KL: variants seen among roughly 807,000 people sequenced by gnomAD.
KL encodes klotho.
KL carries 62 observed loss-of-function variants against 84.2 expected under a neutral mutation model. That is an observed-to-expected ratio of 0.74 (90% confidence interval 0.60 to 0.91). The LOEUF (loss-of-function observed/expected upper bound fraction) is 0.91, where lower values mean the gene tolerates loss of function less well. Ranked by LOEUF, KL falls within the 40% of genes least tolerant of loss-of-function variation. The probability of loss-of-function intolerance (pLI) is 0.00; values close to 1 mark genes in which losing one functional copy is unlikely to be tolerated. For synonymous variants in KL, 528 were observed against 528.0 expected (o/e 1.00, Z 0.00); for missense variants, 1,261 against 1,305.7 (o/e 0.97, Z 0.53).
At chr13:33,033,894 AG>A (rs1871066410) in intron 1 of KL, among the ~76,000 whole-genome samples, 1 of 151,950 alleles carries the variant, frequency 6.6e-6, no homozygotes, top group African/African-American at 2.4e-5. Flanking sequence ...TTTTTAAAAA[AG>A]ATAAAAACAG....
intron 4 of KL, 52 bp downstream of exon 4, chr13:33,061,832 A>T (rs766986051): frequency 6.4e-7 from 1 of 1,573,704 alleles, no homozygotes; most frequent in Non-Finnish European, 8.7e-7. Context: ...ACCAGAGGGC[A>T]TGACACTTGA....
intron 1 of KL, among the ~76,000 whole-genome samples, chr13:33,041,943 A>G (rs1330370666): frequency 6.6e-6 from 1 of 152,060 alleles, no homozygotes; most frequent in Admixed American, 6.6e-5. Flanking sequence ...TTCATTTGTT[A>G]TCTCTCTTCT....
At chr13:33,039,195 A>G (rs1404765407) in intron 1 of KL, among the ~76,000 whole-genome samples, 1 of 152,232 alleles carries the variant, frequency 6.6e-6, no homozygotes, top group African/African-American at 2.4e-5. Flanking sequence ...TGCTCATAAA[A>G]TTAATAAATT....
intron 4 of KL, 81 bp downstream of exon 4, chr13:33,061,861 C>T: frequency 1.4e-6 from 2 of 1,379,418 alleles, no homozygotes; most frequent in Non-Finnish European, 2.0e-6. Flanking sequence ...CCAACATCAA[C>T]ACACACTGCC....
At chr13:33,018,256 G>A (rs1408253181) in intron 1 of KL, among the ~76,000 whole-genome samples, 3 of 152,070 alleles carry the variant, frequency 2.0e-5, no homozygotes, top group African/African-American at 4.8e-5. Flanking sequence ...ACAACTTTTG[G>A]TACCCAATTC....
At chr13:33,032,332 T>C (rs888458098) in intron 1 of KL, among the ~76,000 whole-genome samples, 1 of 152,200 alleles carries the variant, frequency 6.6e-6, no homozygotes, top group Non-Finnish European at 1.5e-5. Flanking sequence ...TACAAACTTA[T>C]GGGTCAGGAT....
chr13:33,033,213 G>T (rs1206457155), intron 1 of KL, among the ~76,000 whole-genome samples: 1 of 152,144 alleles, frequency 6.6e-6, no homozygotes, highest in Non-Finnish European at 1.5e-5. Flanking sequence ...AGGAGTTACA[G>T]TATAACTTAT....
rs950273993 is a variant in KL at position 33,022,666 on chromosome 13, G to A, written c.819+5407G>A. 2.6e-5 allele frequency among the ~76,000 whole-genome samples: 4 copies of A among 152,140 alleles called. No individual in the cohort carries two copies. The South Asian group carries it at 8.3e-4, about 32-fold the overall frequency. ...ACTCTTACTTACCCTTCAGAGACTT[G>A]ACTCAAATATTTTCATTCTGCAATA... On this transcript the variant is annotated intron_variant, in intron 1 of 4. Transcript: ENST00000380099.
chr13:33,044,104 A>C (rs1371793323), intron 1 of KL, among the ~76,000 whole-genome samples: 1 of 152,188 alleles, frequency 6.6e-6, no homozygotes, highest in Non-Finnish European at 1.5e-5. Context: ...CTGTTGCCAC[A>C]TAATTGCTTT....
At chr13:33,031,849 A>G (rs987648522) in intron 1 of KL, among the ~76,000 whole-genome samples, 39 of 152,260 alleles carry the variant, frequency 2.6e-4, no homozygotes, top group Middle Eastern at 3.4e-3. Flanking sequence ...AAACTATATA[A>G]ATGCATTTAT....
chr13:33,039,563 G>A (rs1871262953), intron 1 of KL, among the ~76,000 whole-genome samples: 1 of 152,072 alleles, frequency 6.6e-6, no homozygotes, highest in Non-Finnish European at 1.5e-5. Context: ...AATGCACGTG[G>A]GGAGCCAAAC....
Position 33,053,855 on chromosome 13 carries a change from T to C in KL, c.908T>C (p.Ile303Thr), listed in dbSNP as rs780801101. Reference sequence around the variant, plus strand: ...TCCATTGCCCTAAGCTCTCACTGGATCAATCCTCGAAGAATGACCGACCAC... The same window carrying C: ...TCCATTGCCCTAAGCTCTCACTGGACCAATCCTCGAAGAATGACCGACCAC... Reference protein sequence around the residue: ...QVSIALSSHWINPRRMTDHSI... With the variant: ...QVSIALSSHWTNPRRMTDHSI... The change falls in exon 2 of 5, where the codon ATC (isoleucine) becomes ACC (threonine). Residue 303 changes from isoleucine (I) to threonine (T), a missense_variant. Coordinates refer to ENST00000380099, the MANE Select transcript of KL (RefSeq NM_004795.4). 1.2e-6 allele frequency: 2 copies of C among 1,614,066 alleles called. No individual in the cohort carries two copies. The highest frequency in any genetic ancestry group is 2.7e-5 in the African/African-American group (2 of 74,938).
At chr13:33,056,981 A>G (rs1871986415) in intron 3 of KL, among the ~76,000 whole-genome samples, 1 of 152,030 alleles carries the variant, frequency 6.6e-6, no homozygotes, top group African/African-American at 2.4e-5. Flanking sequence ...CCCTCCTCAG[A>G]GTGGATTCCA....
chr13:33,023,649 GATAA>G (rs1394607561), intron 1 of KL, among the ~76,000 whole-genome samples: 7 of 152,074 alleles, frequency 4.6e-5, no homozygotes, highest in African/African-American at 1.2e-4. Flanking sequence ...CTAAACCAAA[GATAA>G]ATATTGATTG....
intron 1 of KL, among the ~76,000 whole-genome samples, chr13:33,041,703 T>C (rs1411144177): frequency 6.6e-6 from 1 of 152,130 alleles, no homozygotes; most frequent in African/African-American, 2.4e-5. Flanking sequence ...CTCTCATCAC[T>C]TGCTCAACTC....
intron 1 of KL, among the ~76,000 whole-genome samples, chr13:33,033,617 G>A (rs1428305480): frequency 5.9e-5 from 9 of 152,004 alleles, no homozygotes; most frequent in Non-Finnish European, 4.4e-5. Flanking sequence ...CTTTCCTTAA[G>A]TCTATGGTCA....
chr13:33,026,962 C>T (rs1302848908), intron 1 of KL, among the ~76,000 whole-genome samples: 2 of 152,178 alleles, frequency 1.3e-5, no homozygotes, highest in Non-Finnish European at 2.9e-5. Flanking sequence ...TCCGCCTGCT[C>T]AGCATTGGGC....
chr13:33,034,250 C>T (rs976586472), intron 1 of KL, among the ~76,000 whole-genome samples: 1 of 152,158 alleles, frequency 6.6e-6, no homozygotes, highest in African/African-American at 2.4e-5. Flanking sequence ...TATTGGTGTC[C>T]ATCTGGACTG....
rs777451765 is a variant in KL at position 33,063,878 on chromosome 13, G to A, written c.2731G>A (p.Gly911Arg). Reference sequence around the variant, plus strand: ...CATACTGGATGGTATCAATCTTTGCGGATACTTTGCTTATTCGTTTAACGA... The same window carrying A: ...CATACTGGATGGTATCAATCTTTGCAGATACTTTGCTTATTCGTTTAACGA... ...AHILDGINLCGYFAYSFNDRT... is the reference protein window; with the variant it reads ...AHILDGINLCRYFAYSFNDRT... The change falls in exon 5 of 5, where the codon GGA (glycine) becomes AGA (arginine). Residue 911 changes from glycine (G) to arginine (R), a missense_variant. Coordinates refer to ENST00000380099, the MANE Select transcript of KL (RefSeq NM_004795.4). The A allele has an allele frequency of 1.1e-5, 18 of 1,613,914 alleles. No homozygotes were observed. Among genetic ancestry groups the A allele is most frequent in the Non-Finnish European group, 1.4e-5 (17 of 1,180,026 alleles).
Sources: gnomAD v4.1 joint callset for allele counts (sites outside exome capture counted in the v4.1 genomes callset) on GRCh38, gnomAD v4.1.1 for gene constraint, MANE v1.5 for transcripts, NCBI Gene and HGNC (gene_info 2026-07-23, HGNC 2026-07-21) for gene names.